RUNX1: variants seen among roughly 807,000 people sequenced by gnomAD.
The protein encoded by RUNX1 is RUNX family transcription factor 1.
A neutral mutation model predicts 42.8 loss-of-function variants in RUNX1; 19 were observed. The observed-to-expected ratio is 0.44, with a 90% CI of 0.31 to 0.65. RUNX1 has a LOEUF of 0.65. RUNX1 is among the 30% of genes least tolerant of loss of function. The pLI is 0.07. For missense variants in RUNX1, 528 were observed against 672.0 expected (o/e 0.79, Z 2.37); for synonymous variants, 271 against 289.4 (o/e 0.94, Z 0.64).
At chr21:35,026,321 T>C (rs1265689250) in intron 2 of RUNX1, among the ~76,000 whole-genome samples, 1 of 152,214 alleles carries the variant, frequency 6.6e-6, no homozygotes, top group African/African-American at 2.4e-5. Context: ...CTAGCTTATC[T>C]GATAACAGGC....
chr21:34,945,502 C>T (rs2058557783), intron 2 of RUNX1, among the ~76,000 whole-genome samples: 1 of 152,188 alleles, frequency 6.6e-6, no homozygotes, highest in Non-Finnish European at 1.5e-5. Flanking sequence ...TCCTCAGCCC[C>T]AGGAACCTGC....
chr21:34,844,238 T>C (rs1024561339), intron 6 of RUNX1, among the ~76,000 whole-genome samples: 3 of 152,146 alleles, frequency 2.0e-5, no homozygotes, highest in Non-Finnish European at 4.4e-5. Context: ...GGTGGCGCAC[T>C]ATGGAGATAT....
At chr21:34,991,347 GGTAGGCGCCCTGCCCT>G (rs1370082273) in intron 2 of RUNX1, among the ~76,000 whole-genome samples, 1 of 152,206 alleles carries the variant, frequency 6.6e-6, no homozygotes, top group Non-Finnish European at 1.5e-5. Flanking sequence ...CCTCAGCCTG[GGTAGGCGCCCTGCCCT>G]GTGCATTCTG....
At chr21:34,810,939 C>T (rs959029852) in intron 7 of RUNX1, among the ~76,000 whole-genome samples, 2 of 152,114 alleles carry the variant, frequency 1.3e-5, no homozygotes, top group African/African-American at 2.4e-5. Context: ...ACTATTCCAG[C>T]GGGGTAGCAT....
At chr21:35,001,599 G>A (rs999423989) in intron 2 of RUNX1, among the ~76,000 whole-genome samples, 2 of 152,070 alleles carry the variant, frequency 1.3e-5, no homozygotes, top group Non-Finnish European at 2.9e-5. Flanking sequence ...AGACAAGGAT[G>A]TTCACTCTTG....
chr21:34,952,642 C>G (rs933363209), intron 2 of RUNX1, among the ~76,000 whole-genome samples: 1 of 152,154 alleles, frequency 6.6e-6, no homozygotes, highest in Non-Finnish European at 1.5e-5. Flanking sequence ...TTCAACACCT[C>G]TCTAGAAGGT....
chr21:35,012,068 A>G (rs1172461325), intron 2 of RUNX1, among the ~76,000 whole-genome samples: 1 of 152,174 alleles, frequency 6.6e-6, no homozygotes, highest in East Asian at 1.9e-4. Context: ...AATTAGGGGG[A>G]TTTTTTAAAA....
At chr21:34,976,204 T>G (rs2058800594) in intron 2 of RUNX1, among the ~76,000 whole-genome samples, 1 of 152,144 alleles carries the variant, frequency 6.6e-6, no homozygotes, top group South Asian at 2.1e-4. Flanking sequence ...TAGTTGAGAT[T>G]ACAGATTAAT....
chr21:34,851,056 T>TC (rs771923829), intron 6 of RUNX1, among the ~76,000 whole-genome samples: 18 of 152,136 alleles, frequency 1.2e-4, no homozygotes, highest in African/African-American at 3.6e-4. Context: ...GACCAGCTGC[T>TC]CCCCCAGGAA....
intron 5 of RUNX1, 39 bp from the exon 6 acceptor site, chr21:34,859,617 G>A (rs1405547149): frequency 1.3e-6 from 2 of 1,483,842 alleles, no homozygotes; most frequent in Non-Finnish European, 1.9e-6. Context: ...GAATGAGGTT[G>A]GTGGCCTGAA....
chr21:34,871,564 T>C (rs1395775524), intron 5 of RUNX1, among the ~76,000 whole-genome samples: 1 of 152,120 alleles, frequency 6.6e-6, no homozygotes, highest in Non-Finnish European at 1.5e-5. Context: ...TCCCTACGGA[T>C]TTTTGTTTTC....
intron 7 of RUNX1, among the ~76,000 whole-genome samples, chr21:34,800,245 A>G (rs1189811772): frequency 2.0e-5 from 3 of 152,250 alleles, no homozygotes; most frequent in African/African-American, 4.8e-5. Context: ...GATTTTGTCA[A>G]TTTGACTCCA....
intron 5 of RUNX1, among the ~76,000 whole-genome samples, chr21:34,876,929 T>C (rs1039102974): frequency 3.3e-5 from 5 of 152,214 alleles, no homozygotes; most frequent in African/African-American, 1.2e-4. Context: ...CAACCTCGGC[T>C]CACTGCAACC....
At chr21:34,797,776 TCC>T (rs760560079) in intron 8 of RUNX1, among the ~76,000 whole-genome samples, 1 of 152,210 alleles carries the variant, frequency 6.6e-6, no homozygotes, top group Non-Finnish European at 1.5e-5. Context: ...AAGTTGGTTT[TCC>T]TATTTTACTG....
chr21:34,908,378 T>G (rs2058242020), intron 2 of RUNX1, among the ~76,000 whole-genome samples: 2 of 152,168 alleles, frequency 1.3e-5, no homozygotes, highest in Non-Finnish European at 2.9e-5. Context: ...CCATTAATGA[T>G]CTGAACTGAA....
chr21:34,804,742 C>CTT (rs58321227), intron 7 of RUNX1, among the ~76,000 whole-genome samples: 1,344 of 132,632 alleles, frequency 0.01, 30 homozygotes, highest in East Asian at 0.047. Flanking sequence ...GAGATGGAAA[C>CTT]TTTTTTTTTT....
At chr21:34,945,779 G>A (rs551854614) in intron 2 of RUNX1, among the ~76,000 whole-genome samples, 22 of 152,274 alleles carry the variant, frequency 1.4e-4, no homozygotes, top group Middle Eastern at 6.8e-3. Context: ...CCTTCTTGTA[G>A]AATTGGGTAT....
intron 2 of RUNX1, among the ~76,000 whole-genome samples, chr21:34,916,300 G>A (rs1389754827): frequency 6.6e-6 from 1 of 152,154 alleles, no homozygotes; most frequent in Non-Finnish European, 1.5e-5. Flanking sequence ...ACTCTAAAGA[G>A]TTCTGGAAGA....
intron 5 of RUNX1, among the ~76,000 whole-genome samples, chr21:34,865,036 GC>G (rs1434222627): frequency 1.3e-5 from 2 of 152,098 alleles, no homozygotes; most frequent in Non-Finnish European, 2.9e-5. Flanking sequence ...TGGGGCCTCA[GC>G]TTTGTCATCT....
Sources: allele counts gnomAD v4.1 joint callset (sites outside exome capture counted in the v4.1 genomes callset), GRCh38; gene constraint gnomAD v4.1.1; transcripts MANE v1.5; gene names NCBI Gene and HGNC (gene_info 2026-07-23, HGNC 2026-07-21).